Variants in FANCC observed in about 807,000 individuals in gnomAD.
FANCC encodes the protein FA complementation group C, also known as Fanconi anemia group C protein.
Under a neutral mutation model 71.3 loss-of-function variants are expected in FANCC, and 55 were observed. The ratio of observed to expected loss-of-function variants is 0.77; its 90% CI spans 0.62 to 0.97. The LOEUF (loss-of-function observed/expected upper bound fraction) is 0.97, where lower values mean the gene tolerates loss of function less well. Among genes scored for constraint, FANCC ranks in the 50% least tolerant of loss-of-function variants. FANCC has a pLI of 0.00. For synonymous variants in FANCC, 275 were observed against 244.9 expected, an observed-to-expected ratio of 1.12 and a Z score of -1.15; for missense variants, 678 against 670.9, an observed-to-expected ratio of 1.01 and a Z score of -0.12.
intron 3 of FANCC, among the ~76,000 whole-genome samples, chr9:95,242,768 G>A (rs182427552): frequency 6.6e-6 from 1 of 152,316 alleles, no homozygotes; most frequent in Non-Finnish European, 1.5e-5. Flanking sequence ...AGTTTGCTTT[G>A]CTTAGGCAAT....
intron 4 of FANCC, among the ~76,000 whole-genome samples, chr9:95,227,369 T>C (rs968990250): frequency 6.6e-6 from 1 of 152,188 alleles, no homozygotes; most frequent in Non-Finnish European, 1.5e-5. Context: ...CTGGTGGATT[T>C]ATCTACTAAA....
intron 7 of FANCC, among the ~76,000 whole-genome samples, chr9:95,141,057 C>T (rs1357631790): frequency 6.6e-6 from 1 of 152,174 alleles, no homozygotes; most frequent in East Asian, 1.9e-4. Context: ...GGCCTGTAGT[C>T]TCAGCACTTT....
intron 8 of FANCC, 68 bp from the exon 9 acceptor site, chr9:95,126,649 A>C (rs376584866): frequency 6.6e-7 from 1 of 1,519,280 alleles, no homozygotes; most frequent in Non-Finnish European, 9.1e-7. Context: ...TGCTATTATC[A>C]GCCAAAGGAG....
chr9:95,233,035 G>C (rs1343554225), intron 4 of FANCC, among the ~76,000 whole-genome samples: 1 of 152,082 alleles, frequency 6.6e-6, no homozygotes, highest in Admixed American at 6.6e-5. Flanking sequence ...AAGCCAGGTA[G>C]GACCCACTCC....
intron 1 of FANCC, among the ~76,000 whole-genome samples, chr9:95,255,835 A>G (rs1831622467): frequency 1.3e-5 from 2 of 150,912 alleles, no homozygotes; most frequent in Non-Finnish European, 3.0e-5. Context: ...CTAGAATAAT[A>G]TAAATGACCT....
intron 1 of FANCC, among the ~76,000 whole-genome samples, chr9:95,313,794 TATAA>T (rs1835563947): frequency 6.6e-6 from 1 of 152,214 alleles, no homozygotes; most frequent in South Asian, 2.1e-4. Flanking sequence ...GCAAGGTTAG[TATAA>T]ATACACAAAT....
chr9:95,178,686 C>T (rs2297596), intron 4 of FANCC, among the ~76,000 whole-genome samples: 69,340 of 152,136 alleles, frequency 0.46, 16,005 homozygotes, highest in East Asian at 0.58. Context: ...GAGTGGAACC[C>T]CAAAGAACAC....
intron 1 of FANCC, among the ~76,000 whole-genome samples, chr9:95,314,320 C>T (rs1469281844): frequency 1.3e-5 from 2 of 152,202 alleles, no homozygotes. Flanking sequence ...GGCTGCTCTA[C>T]CTGTGGAGTA....
intron 1 of FANCC, among the ~76,000 whole-genome samples, chr9:95,311,709 CTG>C (rs56187288): frequency 0.04 from 5,774 of 144,358 alleles, 190 homozygotes; most frequent in African/African-American, 0.09. Context: ...TCCTCTGAAT[CTG>C]TGTGTGTGTG....
intron 6 of FANCC, among the ~76,000 whole-genome samples, chr9:95,167,288 T>C (rs1043000654): frequency 3.9e-5 from 6 of 152,220 alleles, no homozygotes; most frequent in Admixed American, 1.3e-4. Flanking sequence ...TATGTTGTTG[T>C]AGGCCTCTTT....
chr9:95,102,848 G>A (rs955229479), intron 14 of FANCC, among the ~76,000 whole-genome samples: 5 of 152,326 alleles, frequency 3.3e-5, no homozygotes, highest in Non-Finnish European at 5.9e-5. Flanking sequence ...ACGTGGTGTG[G>A]ACCATGACGT....
At chr9:95,232,112 AG>A (rs1450017461) in intron 4 of FANCC, among the ~76,000 whole-genome samples, 2 of 152,184 alleles carry the variant, frequency 1.3e-5, no homozygotes, top group African/African-American at 4.8e-5. Flanking sequence ...TGGAAGGTGA[AG>A]GGGGAGCAGG....
intron 4 of FANCC, among the ~76,000 whole-genome samples, chr9:95,226,382 C>T (rs902945354): frequency 6.6e-6 from 1 of 152,128 alleles, no homozygotes; most frequent in Admixed American, 6.6e-5. Flanking sequence ...TATTGTAGTC[C>T]CTGATCTATG....
At chr9:95,152,515 G>A (rs1830233928) in intron 6 of FANCC, among the ~76,000 whole-genome samples, 1 of 152,202 alleles carries the variant, frequency 6.6e-6, no homozygotes, top group Non-Finnish European at 1.5e-5. Flanking sequence ...AGTGAACCGG[G>A]GAGGATGGCG....
intron 7 of FANCC, among the ~76,000 whole-genome samples, chr9:95,135,752 G>A (rs891448404): frequency 6.6e-6 from 1 of 152,134 alleles, no homozygotes; most frequent in Non-Finnish European, 1.5e-5. Flanking sequence ...CTTTCAAAAA[G>A]AATAAGCAAA....
rs138722298 is a variant in FANCC, at chr9:95,247,449, G to T, written c.233C>A (p.Pro78His). 8.1e-6 allele frequency: 13 copies of T among 1,612,892 alleles called. No individual in the cohort carries two copies. In the African/African-American group the frequency reaches 1.6e-4, roughly 20 times the overall value. The change falls in exon 3 of 15, where the codon CCT becomes CAT. Residue 78 changes from proline to histidine, a missense_variant. Coordinates refer to ENST00000289081, the MANE Select transcript of FANCC (RefSeq NM_000136.3). ...GQLLAKACWN[P>H]FILAYDESQK... is the part of the protein sequence containing the mutation. Reference sequence around the variant, plus strand: ...ATTCTTACCATATGCTAAAATAAAAGGATTCCAACAAGCTTTTGCCAACAG... The same window carrying T: ...ATTCTTACCATATGCTAAAATAAAATGATTCCAACAAGCTTTTGCCAACAG...
intron 1 of FANCC, among the ~76,000 whole-genome samples, chr9:95,282,822 C>T (rs1833451670): frequency 6.6e-6 from 1 of 152,048 alleles, no homozygotes; most frequent in African/African-American, 2.4e-5. Context: ...AAACAACATG[C>T]TCCTAAACAA....
At chr9:95,270,788 A>G (rs1832670794) in intron 1 of FANCC, among the ~76,000 whole-genome samples, 1 of 152,262 alleles carries the variant, frequency 6.6e-6, no homozygotes, top group African/African-American at 2.4e-5. Context: ...TTTTTAAAAC[A>G]TAATATTGAG....
At chr9:95,208,223 G>C (rs543590440) in intron 4 of FANCC, among the ~76,000 whole-genome samples, 141 of 150,784 alleles carry the variant, frequency 9.4e-4, no homozygotes, top group Middle Eastern at 3.4e-3. Context: ...TCAGTCTCCT[G>C]AGTAGCTGGG....
Sources: gnomAD v4.1 joint callset for allele counts (sites outside exome capture counted in the v4.1 genomes callset) on GRCh38, gnomAD v4.1.1 for gene constraint, MANE v1.5 for transcripts, NCBI Gene and HGNC (gene_info 2026-07-23, HGNC 2026-07-21) for gene names.